Variants in RHOA observed in about 807,000 individuals in gnomAD.
The protein encoded by RHOA is transforming protein RhoA.
Under a neutral mutation model 17.5 loss-of-function variants are expected in RHOA, and 3 were observed. That is an observed-to-expected ratio of 0.17 (90% CI 0.08 to 0.44). The LOEUF (loss-of-function observed/expected upper bound fraction) is 0.44. RHOA is among the 20% of genes least tolerant of loss of function. RHOA has a pLI of 0.99. For missense variants in RHOA, 56 were observed against 242.3 expected (o/e 0.23, Z 5.10); for synonymous variants, 98 against 88.4 (o/e 1.11, Z -0.61).
intron 1 of RHOA, among the ~76,000 whole-genome samples, chr3:49,386,130 T>C (rs1390444572): frequency 1.3e-5 from 2 of 152,226 alleles, no homozygotes; most frequent in Non-Finnish European, 2.9e-5. Flanking sequence ...GGAATTTTGA[T>C]AGGAATTACA....
intron 1 of RHOA, among the ~76,000 whole-genome samples, chr3:49,388,768 C>G (rs1175861980): frequency 1.3e-5 from 2 of 152,142 alleles, no homozygotes; most frequent in Non-Finnish European, 2.9e-5. Context: ...CAATGGCCAG[C>G]CTACTAATGA....
At chr3:49,408,229 T>C (rs1458159725) in intron 1 of RHOA, among the ~76,000 whole-genome samples, 2 of 151,768 alleles carry the variant, frequency 1.3e-5, no homozygotes, top group East Asian at 1.9e-4. Context: ...CACATATATA[T>C]ACGTATACAC....
intron 1 of RHOA, among the ~76,000 whole-genome samples, chr3:49,379,299 C>A (rs1473613640): frequency 6.6e-6 from 1 of 151,996 alleles, no homozygotes; most frequent in Non-Finnish European, 1.5e-5. Context: ...ATGCATGATT[C>A]CATTTATATA....
At chr3:49,392,189 A>T (rs1193247487) in intron 1 of RHOA, among the ~76,000 whole-genome samples, 2 of 151,844 alleles carry the variant, frequency 1.3e-5, no homozygotes, top group Non-Finnish European at 2.9e-5. Flanking sequence ...AGGCACAGTG[A>T]CTCCCACCTG....
intron 1 of RHOA, among the ~76,000 whole-genome samples, chr3:49,377,551 T>A (rs1347229488): frequency 6.7e-6 from 1 of 148,192 alleles, no homozygotes; most frequent in African/African-American, 2.5e-5. Flanking sequence ...TGAGATTGCA[T>A]CACTACACTC....
intron 1 of RHOA, among the ~76,000 whole-genome samples, chr3:49,378,469 A>G (rs746626351): frequency 6.6e-6 from 1 of 151,444 alleles, no homozygotes; most frequent in African/African-American, 2.4e-5. Context: ...CTGGTCTCCA[A>G]CTCCTGAGCT....
intron 1 of RHOA, among the ~76,000 whole-genome samples, chr3:49,383,804 C>T (rs1356756608): frequency 6.6e-6 from 1 of 152,004 alleles, no homozygotes; most frequent in Non-Finnish European, 1.5e-5. Flanking sequence ...CTGAGGTAGG[C>T]GGATCACTTG....
chr3:49,382,333 A>T (rs775248491), intron 1 of RHOA, among the ~76,000 whole-genome samples: 1 of 145,544 alleles, frequency 6.9e-6, no homozygotes, highest in Admixed American at 6.9e-5. Flanking sequence ...ATAAATAAAT[A>T]AATAAAATAA....
chr3:49,379,064 A>G (rs79049012), intron 1 of RHOA, among the ~76,000 whole-genome samples: 2 of 152,212 alleles, frequency 1.3e-5, no homozygotes, highest in Non-Finnish European at 2.9e-5. Flanking sequence ...ATATGTCCAC[A>G]TAACAACTTG....
At position 49,359,643 on chromosome 3, in the gene RHOA, T is replaced by TA. The variant is rs1459951310; in HGVS notation, c.*565dup. 4 of 211,438 alleles carry TA rather than the reference T, an allele frequency of 1.9e-5. No individual in the cohort carries two copies. The highest frequency in any genetic ancestry group is 1.5e-3 in the Middle Eastern group (1 of 668). 13.1% of individuals were successfully genotyped at this position (211,438 alleles called of 1,614,324 possible). ...GTAGATATATTTATTTTTGGTAACATACATTAAGTGGCACTAATTACACAG... is the reference window on the plus strand; with the variant it reads ...GTAGATATATTTATTTTTGGTAACATAACATTAAGTGGCACTAATTACACAG... On this transcript the variant is annotated 3_prime_UTR_variant, in exon 5 of 5. Coordinates refer to ENST00000418115, the MANE Select transcript of RHOA (RefSeq NM_001664.4).
intron 1 of RHOA, among the ~76,000 whole-genome samples, chr3:49,400,385 A>C (rs1449616492): frequency 6.6e-6 from 1 of 151,878 alleles, no homozygotes; most frequent in Non-Finnish European, 1.5e-5. Context: ...ACTACTCATA[A>C]CATTTCCCCT....
intron 4 of RHOA, chr3:49,361,121 A>G (rs892873268): frequency 5.9e-6 from 1 of 169,522 alleles, no homozygotes; most frequent in Non-Finnish European, 1.3e-5. Flanking sequence ...AAACTTATGA[A>G]ATTTTTAAAC....
At chr3:49,379,566 T>C (rs1051984263) in intron 1 of RHOA, among the ~76,000 whole-genome samples, 2 of 151,988 alleles carry the variant, frequency 1.3e-5, no homozygotes, top group African/African-American at 4.8e-5. Flanking sequence ...CAGGCTGGAG[T>C]ATAGTGGTGC....
Position 49,359,856 on chromosome 3 carries a change from G to T in RHOA, c.*353C>A. The T allele has an allele frequency of 3.7e-6, 1 of 268,952 alleles. No individual in the cohort carries two copies. Among genetic ancestry groups the T allele is most frequent in the South Asian group, 1.0e-4 (1 of 9,968 alleles). 16.7% of individuals were successfully genotyped at this position (268,952 alleles called of 1,614,324 possible). On this transcript the variant is annotated 3_prime_UTR_variant, in exon 5 of 5. Coordinates refer to ENST00000418115, the MANE Select transcript of RHOA (RefSeq NM_001664.4). ...AGTACCTTGCAGCTGACAGATAATA[G>T]GCAGGACATGTTAGTTATAAAGTAG...
At chr3:49,365,335 G>A (rs2048038454) in intron 3 of RHOA, 1 of 151,866 alleles carries the variant, frequency 6.6e-6, no homozygotes, top group African/African-American at 2.4e-5. Context: ...AGTAGAGACA[G>A]GGATTCACCA....
intron 1 of RHOA, 34 bp from the exon 2 acceptor site, chr3:49,375,625 C>A (rs2107850498): frequency 6.2e-7 from 1 of 1,602,976 alleles, no homozygotes; most frequent in Non-Finnish European, 8.5e-7. Flanking sequence ...ACCTGCAATG[C>A]ACAAGAAGTC....
intron 2 of RHOA, among the ~76,000 whole-genome samples, chr3:49,372,341 T>C (rs912360392): frequency 4.6e-5 from 7 of 152,210 alleles, no homozygotes; most frequent in East Asian, 1.9e-4. Flanking sequence ...GTTAGGCTGG[T>C]ATTTGTTGTA....
At chr3:49,408,704 T>C (rs1202977747) in intron 1 of RHOA, among the ~76,000 whole-genome samples, 1 of 152,180 alleles carries the variant, frequency 6.6e-6, no homozygotes, top group Non-Finnish European at 1.5e-5. Flanking sequence ...AATTTAGTTA[T>C]ATTAATGTGT....
chr3:49,360,561 G>A (rs2047950017), intron 4 of RHOA, among the ~76,000 whole-genome samples, 179 bp from the exon 5 acceptor site: 1 of 151,950 alleles, frequency 6.6e-6, no homozygotes, highest in Non-Finnish European at 1.5e-5. Context: ...TCCACCTCCT[G>A]GGTTCAAGGG....
Sources: gnomAD v4.1 joint callset for allele counts (sites outside exome capture counted in the v4.1 genomes callset) on GRCh38, gnomAD v4.1.1 for gene constraint, MANE v1.5 for transcripts, NCBI Gene and HGNC (gene_info 2026-07-23, HGNC 2026-07-21) for gene names.